The following BCAS4 variants were observed in gnomAD, a reference collection of about 807,000 sequenced individuals.
BCAS4 encodes breast carcinoma amplified sequence 4, also known as breast carcinoma-amplified sequence 4.
A neutral mutation model predicts 15.7 loss-of-function variants in BCAS4; 9 were observed. The ratio of observed to expected loss-of-function variants is 0.57; its 90% CI spans 0.34 to 1.00. The LOEUF (loss-of-function observed/expected upper bound fraction) is 1.00, where lower values mean the gene tolerates loss of function less well. Among genes scored for constraint, BCAS4 ranks in the 50% least tolerant of loss-of-function variants. BCAS4 has a pLI of 0.02. For synonymous variants in BCAS4, 101 were observed against 99.5 expected (o/e 1.02, Z -0.09); for missense variants, 225 against 239.1 (o/e 0.94, Z 0.39).
At chr20:50,821,339 C>A (rs1192080664) in intron 2 of BCAS4, among the ~76,000 whole-genome samples, 1 of 152,214 alleles carries the variant, frequency 6.6e-6, no homozygotes, top group Admixed American at 6.5e-5. Flanking sequence ...ATATGTGACG[C>A]TTGTGGGACC....
intron 4 of BCAS4, among the ~76,000 whole-genome samples, chr20:50,850,978 C>A (rs147104486): frequency 1.2e-4 from 18 of 152,228 alleles, no homozygotes; most frequent in African/African-American, 3.9e-4. Flanking sequence ...CTGTAGGAGT[C>A]GTCAGTGCCA....
chr20:50,796,002 A>G (rs1023883552), intron 1 of BCAS4, among the ~76,000 whole-genome samples: 8 of 151,840 alleles, frequency 5.3e-5, no homozygotes, highest in African/African-American at 1.9e-4. Context: ...TGGGATGGGG[A>G]TAGGGGACGG....
chr20:50,827,870 G>A (rs1293940587), intron 2 of BCAS4, among the ~76,000 whole-genome samples: 2 of 152,074 alleles, frequency 1.3e-5, no homozygotes, highest in Non-Finnish European at 2.9e-5. Flanking sequence ...GGGACTACAG[G>A]CGCACGCCAC....
intron 1 of BCAS4, among the ~76,000 whole-genome samples, chr20:50,802,174 G>A (rs1178339210): frequency 6.6e-6 from 1 of 152,080 alleles, no homozygotes. Flanking sequence ...CTCTAGCCTG[G>A]GTGACAGAGC....
At chr20:50,818,520 C>T (rs547764055) in intron 2 of BCAS4, among the ~76,000 whole-genome samples, 3 of 152,220 alleles carry the variant, frequency 2.0e-5, no homozygotes, top group East Asian at 1.9e-4. Context: ...GTCCTTCCCT[C>T]GAGATGGTTT....
chr20:50,845,876 C>T (rs1007774304), intron 4 of BCAS4, among the ~76,000 whole-genome samples: 1 of 152,244 alleles, frequency 6.6e-6, no homozygotes, highest in Non-Finnish European at 1.5e-5. Flanking sequence ...GCGCAGCCCC[C>T]AGAGAGGGCA....
chr20:50,853,139 A>ATTTTTTTTTTTTTTT (rs35651267), intron 4 of BCAS4, among the ~76,000 whole-genome samples: 4 of 106,906 alleles, frequency 3.7e-5, no homozygotes, highest in African/African-American at 7.9e-5. Context: ...ATCCCCTTTC[A>ATTTTTTTTTTTTTTT]TTTTTTTTTT....
intron 4 of BCAS4, among the ~76,000 whole-genome samples, chr20:50,854,572 G>A (rs1240912304): frequency 1.3e-5 from 2 of 152,156 alleles, no homozygotes; most frequent in African/African-American, 2.4e-5. Context: ...CACAGTCAGC[G>A]GGAGGAGGTA....
chr20:50,855,481 C>T (rs1456469944), intron 4 of BCAS4, among the ~76,000 whole-genome samples: 1 of 152,172 alleles, frequency 6.6e-6, no homozygotes, highest in African/African-American at 2.4e-5. Context: ...CCCTGTCCCC[C>T]AGGCCACAAT....
At chr20:50,882,013 CATTCTCATGGGGGGGCAA>C (rs1273874566), downstream of BCAS4, 1 of 152,160 alleles carries the variant, frequency 6.6e-6, no homozygotes, top group African/African-American at 2.4e-5. Flanking sequence ...GGTGGGACAC[CATTCTCATGGGGGGGCAA>C]TTGGCATACC....
rs182285879 is a variant in BCAS4 at position 50,876,826 on chromosome 20, G to A, written c.*218G>A. 510 of 440,816 alleles carry A rather than the reference G, an allele frequency of 1.2e-3. 2 individuals carry two copies. The highest frequency in any genetic ancestry group is 9.8e-3 in the African/African-American group (475 of 48,302). The allele number at this position is 440,816 out of a possible 1,614,324, so 27.3% of individuals were successfully genotyped here. A position where few individuals can be genotyped will look rare whatever the true frequency, so the allele number is the denominator to read the frequency against. Reference sequence around the variant, plus strand: ...TCCAAAGTGGTGGGATTATGGGCAGGAGCCTCCGTGCCCAGGCTGCTGCCA... The same window carrying A: ...TCCAAAGTGGTGGGATTATGGGCAGAAGCCTCCGTGCCCAGGCTGCTGCCA... On this transcript the variant is annotated 3_prime_UTR_variant, in exon 5 of 5. Coordinates refer to ENST00000371608, the MANE Select transcript of BCAS4 (RefSeq NM_198799.4).
At chr20:50,834,356 C>T (rs1376583226) in intron 3 of BCAS4, among the ~76,000 whole-genome samples, 1 of 133,390 alleles carries the variant, frequency 7.5e-6, no homozygotes, top group Non-Finnish European at 1.5e-5. Flanking sequence ...AGTGCAGTGG[C>T]GGAATCTTGG....
In BCAS4 at chr20:50,843,447, T is replaced by C. The variant is rs1460156062; in HGVS notation, c.399+1547T>C. ...ATTTGGCCCATGTCAACTCATTCTA[T>C]TTGGCCAGGCAATGTATTTAAACAT... On this transcript the variant is annotated intron_variant, in intron 4 of 4. Coordinates refer to ENST00000371608, the MANE Select transcript of BCAS4 (RefSeq NM_198799.4). Among the ~76,000 whole-genome samples the C allele has an allele frequency of 2.0e-5, 3 of 152,240 alleles. 1 individual carries two copies. The highest frequency in any genetic ancestry group is 2.0e-4 in the Admixed American group (3 of 15,290).
intron 2 of BCAS4, among the ~76,000 whole-genome samples, chr20:50,824,304 A>G (rs1380843378): frequency 6.6e-6 from 1 of 152,314 alleles, no homozygotes; most frequent in African/African-American, 2.4e-5. Flanking sequence ...GCGTGGGTGC[A>G]TGTTCTTGGG....
intron 4 of BCAS4, among the ~76,000 whole-genome samples, chr20:50,845,044 AATG>A (rs2088526961): frequency 6.6e-6 from 1 of 152,012 alleles, no homozygotes; most frequent in African/African-American, 2.4e-5. Context: ...GCCCTTGCAG[AATG>A]ATGATCATCA....
At chr20:50,811,653 C>T (rs1600851672) in intron 1 of BCAS4, among the ~76,000 whole-genome samples, 2 of 152,164 alleles carry the variant, frequency 1.3e-5, no homozygotes, top group Admixed American at 6.5e-5. Flanking sequence ...GATGGAGTCT[C>T]GTTCTCTCGC....
chr20:50,815,147 T>C (rs2123768727), intron 1 of BCAS4, among the ~76,000 whole-genome samples: 1 of 152,286 alleles, frequency 6.6e-6, no homozygotes, highest in East Asian at 1.9e-4. Flanking sequence ...GTTAAGCCAT[T>C]GGGTTCCAGC....
chr20:50,807,988 G>A (rs2123757391), intron 1 of BCAS4, among the ~76,000 whole-genome samples: 1 of 149,124 alleles, frequency 6.7e-6, no homozygotes, highest in South Asian at 2.1e-4. Context: ...GCTCACTGCA[G>A]GCTCCGCCTC....
At chr20:50,836,161 C>T (rs1251709604) in intron 3 of BCAS4, among the ~76,000 whole-genome samples, 3 of 152,150 alleles carry the variant, frequency 2.0e-5, no homozygotes, top group Non-Finnish European at 2.9e-5. Flanking sequence ...CGTGATCTGC[C>T]CGCTTCAGCC....
Sources: gnomAD v4.1 joint callset for allele counts (sites outside exome capture counted in the v4.1 genomes callset) on GRCh38, gnomAD v4.1.1 for gene constraint, MANE v1.5 for transcripts, NCBI Gene and HGNC (gene_info 2026-07-23, HGNC 2026-07-21) for gene names.